The following ST3GAL3 variants were observed in gnomAD, a reference collection of about 807,000 sequenced individuals.
The protein encoded by ST3GAL3 is CMP-N-acetylneuraminate-beta-1,4-galactoside alpha-2,3-sialyltransferase.
In ST3GAL3, 21 loss-of-function variants were observed where a neutral mutation model predicts 50.1. The observed-to-expected ratio is 0.42, with a 90% CI of 0.30 to 0.60. ST3GAL3 has a LOEUF of 0.60. Ranked by LOEUF, ST3GAL3 falls within the 20% of genes least tolerant of loss-of-function variation. The pLI is 0.19. For synonymous variants in ST3GAL3, 183 were observed against 190.0 expected (o/e 0.96, Z 0.30); for missense variants, 353 against 489.4 (o/e 0.72, Z 2.63).
chr1:43,724,303 C>G (rs1414213219), intron 1 of ST3GAL3, among the ~76,000 whole-genome samples: 2 of 151,872 alleles, frequency 1.3e-5, no homozygotes, highest in Non-Finnish European at 2.9e-5. Context: ...GTCTGCCTCC[C>G]ATGCTCAAGT....
chr1:43,790,795 T>G (rs1413507738), intron 2 of ST3GAL3, among the ~76,000 whole-genome samples: 1 of 151,092 alleles, frequency 6.6e-6, no homozygotes, highest in African/African-American at 2.4e-5. Flanking sequence ...CACGCCCAGC[T>G]AATTTTTTTT....
chr1:43,851,054 T>C (rs2067203811), intron 5 of ST3GAL3: 3 of 852,308 alleles, frequency 3.5e-6, no homozygotes, highest in South Asian at 1.3e-5. Context: ...ATATGTGCCA[T>C]GTCCACCATG....
chr1:43,722,956 A>T (rs1243474620), intron 1 of ST3GAL3, among the ~76,000 whole-genome samples: 1 of 152,170 alleles, frequency 6.6e-6, no homozygotes, highest in African/African-American at 2.4e-5. Context: ...TTGAAATTTG[A>T]TCCCCAGTGT....
At chr1:43,904,756 TCCCC>T (rs2078884283) in intron 9 of ST3GAL3, among the ~76,000 whole-genome samples, 1 of 9,504 alleles carries the variant, frequency 1.1e-4, no homozygotes, top group Admixed American at 1.2e-3. Flanking sequence ...CCCACCACTC[TCCCC>T]TCCTCCTGCT....
At chr1:43,830,840 G>A (rs1231414012) in intron 4 of ST3GAL3, among the ~76,000 whole-genome samples, 1 of 152,204 alleles carries the variant, frequency 6.6e-6, no homozygotes, top group Non-Finnish European at 1.5e-5. Flanking sequence ...TTGAATGAGA[G>A]AGAAGAATCC....
chr1:43,795,132 G>A (rs558365542), intron 3 of ST3GAL3, among the ~76,000 whole-genome samples: 5 of 152,144 alleles, frequency 3.3e-5, no homozygotes, highest in African/African-American at 9.7e-5. Flanking sequence ...AAACCTCAAT[G>A]TACAGCTAAT....
intron 5 of ST3GAL3, chr1:43,858,037 C>A: frequency 1.1e-6 from 1 of 881,230 alleles, no homozygotes; most frequent in Non-Finnish European, 1.6e-6. Flanking sequence ...TGAGAAGTGT[C>A]GGACTACAGT....
Position 43,844,825 on chromosome 1 carries a change from T to TAAA in ST3GAL3, c.302+6527_302+6529dup, listed in dbSNP as rs372453242. On this transcript the variant is annotated intron_variant, in intron 5 of 11. Coordinates refer to ENST00000347631, the MANE Select transcript of ST3GAL3 (RefSeq NM_006279.5). Reference sequence around the variant, plus strand: ...CTGGGCGACATAGCAAGACTCCGTCTAAAAAAAAAAAAAAAGACTAGATAT... The same window carrying TAAA: ...CTGGGCGACATAGCAAGACTCCGTCTAAAAAAAAAAAAAAAAAAGACTAGATAT... Among the ~76,000 whole-genome samples the TAAA allele has an allele frequency of 3.8e-5, 5 of 130,272 alleles. No individual in the cohort carries two copies. The South Asian group carries it at 9.8e-4, about 26-fold the overall frequency. 85.5% of individuals were successfully genotyped at this position (130,272 alleles called of 152,430 possible). A position where few individuals can be genotyped will look rare whatever the true frequency, so the allele number is the denominator to read the frequency against.
At chr1:43,847,505 A>G (rs2066460566) in intron 5 of ST3GAL3, among the ~76,000 whole-genome samples, 1 of 152,252 alleles carries the variant, frequency 6.6e-6, no homozygotes, top group Non-Finnish European at 1.5e-5. Flanking sequence ...CCTCGAGGAC[A>G]TTATGCTAAA....
At chr1:43,765,705 CA>C (rs1267257410) in intron 2 of ST3GAL3, among the ~76,000 whole-genome samples, 4 of 150,420 alleles carry the variant, frequency 2.7e-5, no homozygotes, top group Non-Finnish European at 5.9e-5. Context: ...TCTGGAAAGG[CA>C]AAAAAGGGTA....
chr1:43,909,045 G>T (rs1216185273), intron 9 of ST3GAL3, among the ~76,000 whole-genome samples: 1 of 152,174 alleles, frequency 6.6e-6, no homozygotes, highest in Non-Finnish European at 1.5e-5. Context: ...TGTATGAGAT[G>T]CTCCTCTTCT....
intron 2 of ST3GAL3, among the ~76,000 whole-genome samples, chr1:43,785,065 G>A (rs915834290): frequency 6.6e-6 from 1 of 151,428 alleles, no homozygotes; most frequent in African/African-American, 2.4e-5. Context: ...ATTTACTCAG[G>A]TTTTGTTTGG....
chr1:43,719,935 A>G (rs998659747), intron 1 of ST3GAL3, among the ~76,000 whole-genome samples: 4 of 34,142 alleles, frequency 1.2e-4, no homozygotes, highest in Admixed American at 5.2e-4. Flanking sequence ...TCTGTCTCAG[A>G]AAAAAAAAAA....
chr1:43,874,871 T>G (rs1370886722), intron 5 of ST3GAL3, among the ~76,000 whole-genome samples: 1 of 152,048 alleles, frequency 6.6e-6, no homozygotes, highest in Non-Finnish European at 1.5e-5. Flanking sequence ...AAAGTATGAG[T>G]AGTCATCCAG....
At chr1:43,877,347 T>G (rs2074309814) in intron 5 of ST3GAL3, among the ~76,000 whole-genome samples, 2 of 151,984 alleles carry the variant, frequency 1.3e-5, no homozygotes, top group Admixed American at 1.3e-4. Context: ...GGGTGCAGGG[T>G]CTTCTGACTT....
At chr1:43,874,058 A>C (rs768166064) in intron 5 of ST3GAL3, among the ~76,000 whole-genome samples, 4 of 152,184 alleles carry the variant, frequency 2.6e-5, no homozygotes, top group Non-Finnish European at 5.9e-5. Flanking sequence ...GATATTCTGG[A>C]AACCAAAGAA....
Position 43,921,963 on chromosome 1 carries a change from C to T in ST3GAL3, c.1038+1035C>T, listed in dbSNP as rs2083101358. The T allele has an allele frequency of 1.3e-5, 5 of 391,452 alleles. No homozygotes were observed. The East Asian group carries it at 1.8e-4, about 14-fold the overall frequency. The allele number at this position is 391,452 out of a possible 1,614,324, so 24.2% of individuals were successfully genotyped here. A position where few individuals can be genotyped will look rare whatever the true frequency, so the allele number is the denominator to read the frequency against. ...TCAGAAACACTTTTCGTGTTGGCCA[C>T]TCCTTCTTCTTTGAACTTCTGAGTC... On this transcript the variant is annotated intron_variant, in intron 11 of 11. Transcript: ENST00000347631.
chr1:43,710,674 T>C (rs1189279655), intron 1 of ST3GAL3, among the ~76,000 whole-genome samples: 1 of 152,256 alleles, frequency 6.6e-6, no homozygotes, highest in Non-Finnish European at 1.5e-5. Flanking sequence ...CTTTGCTGTT[T>C]GTGCTCTGTA....
At chr1:43,858,798 C>G (rs1006946939) in intron 5 of ST3GAL3, among the ~76,000 whole-genome samples, 3 of 152,208 alleles carry the variant, frequency 2.0e-5, no homozygotes, top group Admixed American at 6.5e-5. Flanking sequence ...CACTCTCTGA[C>G]TGGTCTCCCC....
Sources: gnomAD v4.1 joint callset for allele counts (sites outside exome capture counted in the v4.1 genomes callset) on GRCh38, gnomAD v4.1.1 for gene constraint, MANE v1.5 for transcripts, NCBI Gene and HGNC (gene_info 2026-07-23, HGNC 2026-07-21) for gene names.